CTDSP2: variants seen among roughly 807,000 people sequenced by gnomAD.
The protein encoded by CTDSP2 is CTD small phosphatase 2, also known as carboxy-terminal domain RNA polymerase II polypeptide A small phosphatase 2.
Under a neutral mutation model 31.6 loss-of-function variants are expected in CTDSP2, and 9 were observed. The observed-to-expected ratio is 0.28, with a 90% CI of 0.17 to 0.50. The LOEUF (loss-of-function observed/expected upper bound fraction) is 0.50. CTDSP2 is among the 20% of genes least tolerant of loss of function. The pLI is 0.98. For synonymous variants in CTDSP2, 134 were observed against 134.5 expected (o/e 1.00, Z 0.03); for missense variants, 267 against 348.5 (o/e 0.77, Z 1.86).
chr12:57,829,484 G>A lies in CTDSP2; in HGVS notation c.177C>T (p.Leu59=), dbSNP rs776246566. The A allele has an allele frequency of 7.4e-6, 12 of 1,614,152 alleles. No homozygotes were observed. Among genetic ancestry groups the A allele is most frequent in the Middle Eastern group, 1.7e-4 (1 of 6,058 alleles). ...TGTTTGCTTCCTCCTTATACGCAGC[G>A]AGCTCAGTGGAGGAACTTGACTGGC... ...HVGQSSSSTE[L]AAYKEEANTI... Residue 59 remains leucine, a synonymous_variant, in exon 2 of 8, where the codon CTC becomes CTT. Coordinates refer to ENST00000398073, the MANE Select transcript of CTDSP2 (RefSeq NM_005730.4).
At chr12:57,832,786 T>C (rs1420017626) in intron 1 of CTDSP2, among the ~76,000 whole-genome samples, 2 of 41,164 alleles carry the variant, frequency 4.9e-5, no homozygotes, top group East Asian at 2.9e-3. Context: ...AGCGAGACTC[T>C]GGCTAAAAAA....
intron 1 of CTDSP2, among the ~76,000 whole-genome samples, chr12:57,833,152 C>CT (rs1162676011): frequency 6.6e-6 from 1 of 152,236 alleles, no homozygotes; most frequent in Non-Finnish European, 1.5e-5. Context: ...GTGACAGACG[C>CT]TGTGAAGGCT....
chr12:57,841,638 C>T (rs932159222), intron 1 of CTDSP2, among the ~76,000 whole-genome samples: 1 of 152,202 alleles, frequency 6.6e-6, no homozygotes, highest in African/African-American at 2.4e-5. Context: ...TGCAGCAAGG[C>T]TGTTTGTAAG....
chr12:57,829,452 G>C lies in CTDSP2; in HGVS notation c.209C>G (p.Ala70Gly). Residue 70 changes from alanine (A) to glycine (G), a missense_variant, in exon 2 of 8, where the codon GCT (alanine) becomes GGT (glycine). Ala to Gly is a moderately conservative substitution (Grantham distance 60, BLOSUM62 0). Transcript: ENST00000398073. Reference protein sequence around the residue: ...AAYKEEANTIAKSDLLQCLQY... With the variant: ...AAYKEEANTIGKSDLLQCLQY... ...TTACCACCCCAACCCACCTACCTTA[G>C]CAATGGTGTTTGCTTCCTCCTTATA... 1 of 1,613,850 alleles carries C rather than the reference G, an allele frequency of 6.2e-7. No individual in the cohort carries two copies. The highest frequency in any genetic ancestry group is 8.5e-7 in the Non-Finnish European group (1 of 1,179,810).
At chr12:57,843,038 C>T (rs1451079113) in intron 1 of CTDSP2, among the ~76,000 whole-genome samples, 1 of 152,120 alleles carries the variant, frequency 6.6e-6, no homozygotes, top group African/African-American at 2.4e-5. Context: ...CTGTCCAGTT[C>T]GGCATGTGAG....
intron 3 of CTDSP2, 29 bp from the exon 4 acceptor site, chr12:57,827,126 G>A: frequency 6.5e-7 from 1 of 1,535,928 alleles, no homozygotes; most frequent in Non-Finnish European, 9.0e-7. Flanking sequence ...GCTGAGATCT[G>A]CCTACCAAGA....
intron 1 of CTDSP2, among the ~76,000 whole-genome samples, chr12:57,829,812 T>C (rs1956204345): frequency 6.6e-6 from 1 of 152,212 alleles, no homozygotes; most frequent in South Asian, 2.1e-4. Context: ...ACTCTCTGGC[T>C]TGGGAGACCT....
At position 57,827,588 on chromosome 12, in the gene CTDSP2, C is replaced by T. The variant is rs781396106; in HGVS notation, c.216G>A (p.Ser72=). 2.9e-5 allele frequency: 46 copies of T among 1,613,856 alleles called. No homozygotes were observed. The highest frequency in any genetic ancestry group is 8.9e-5 in the East Asian group (4 of 44,884). Reference sequence around the variant, plus strand: ...GGTACTGGAGACACTGGAGCAGATCCGACTGAGGAAGAGAAGGAGGTGGTC... The same window carrying T: ...GGTACTGGAGACACTGGAGCAGATCTGACTGAGGAAGAGAAGGAGGTGGTC... ...YKEEANTIAK[S]DLLQCLQYQF... is the part of the protein sequence containing the mutation. The change falls in exon 3 of 8, where the codon TCG becomes TCA. Residue 72 remains serine (S), a splice_region_variant and synonymous_variant. Transcript: ENST00000398073.
rs1191043229 is a variant in CTDSP2 at position 57,823,505 on chromosome 12, G to A, written c.*97C>T. The A allele has an allele frequency of 7.7e-6, 11 of 1,431,942 alleles. No homozygotes were observed. Among genetic ancestry groups the A allele is most frequent in the East Asian group, 2.4e-5 (1 of 41,728 alleles). 88.7% of individuals were successfully genotyped at this position (1,431,942 alleles called of 1,614,324 possible). ...CTTCCCGCTGTTTCCGGGCCGTGTG[G>A]TGAGGCACTCCAGCTTCTACTCTGT... On this transcript the variant is annotated 3_prime_UTR_variant, in exon 8 of 8. Coordinates refer to ENST00000398073, the MANE Select transcript of CTDSP2 (RefSeq NM_005730.4).
chr12:57,822,107 A>AG lies in CTDSP2; in HGVS notation c.*1494dup, dbSNP rs1243720563. 4 of 152,170 alleles carry AG rather than the reference A, an allele frequency of 2.6e-5. No individual in the cohort carries two copies. The highest frequency in any genetic ancestry group is 1.9e-4 in the East Asian group (1 of 5,132). 9.4% of individuals were successfully genotyped at this position (152,170 alleles called of 1,614,324 possible). On this transcript the variant is annotated 3_prime_UTR_variant, in exon 8 of 8. Transcript: ENST00000398073. ...AACAGGAGCGCCCTCCCACCCCAGG[A>AG]GGAGGGAGGGAGGGAGGAGAGAACC...
intron 1 of CTDSP2, among the ~76,000 whole-genome samples, chr12:57,841,488 C>T (rs543999585): frequency 1.3e-5 from 2 of 152,324 alleles, no homozygotes; most frequent in Non-Finnish European, 2.9e-5. Flanking sequence ...GAAGTTTAGA[C>T]TTTAGAGACT....
At chr12:57,842,148 T>C (rs1474166223) in intron 1 of CTDSP2, 1 of 152,104 alleles carries the variant, frequency 6.6e-6, no homozygotes, top group African/African-American at 2.4e-5. Flanking sequence ...GTAGGAGGAA[T>C]TGGAAGGGAA....
chr12:57,838,961 TCTAA>T (rs1215489430), intron 1 of CTDSP2, among the ~76,000 whole-genome samples: 2 of 152,208 alleles, frequency 1.3e-5, no homozygotes, highest in Non-Finnish European at 2.9e-5. Context: ...AGAGATTTCT[TCTAA>T]CTCATTTCAG....
intron 1 of CTDSP2, among the ~76,000 whole-genome samples, chr12:57,836,096 C>T (rs1956245862): frequency 6.6e-6 from 1 of 152,156 alleles, no homozygotes; most frequent in Non-Finnish European, 1.5e-5. Flanking sequence ...CAGGAGCCCT[C>T]CCACCATCAT....
chr12:57,839,006 G>A (rs1410498428), intron 1 of CTDSP2, among the ~76,000 whole-genome samples: 1 of 152,204 alleles, frequency 6.6e-6, no homozygotes, highest in Non-Finnish European at 1.5e-5. Flanking sequence ...CGGAAATGAT[G>A]TTTTCCGGGA....
In CTDSP2 at chr12:57,835,842, G is replaced by A. The variant is rs930530857; in HGVS notation, c.65-6246C>T. On this transcript the variant is annotated intron_variant, in intron 1 of 7. Transcript: ENST00000398073. ...GCCCCCACTGAGGATCATCAGGGCT[G>A]GGGTCCAGGCTCTGCCAGTTACTGA... Among the ~76,000 whole-genome samples the A allele has an allele frequency of 3.3e-5, 5 of 152,290 alleles. No homozygotes were observed. The East Asian group carries it at 9.7e-4, about 29-fold the overall frequency.
At position 57,824,263 on chromosome 12, in the gene CTDSP2, G is replaced by A. The variant is rs1956168527; in HGVS notation, c.468C>T (p.Leu156=). 1 of 1,614,094 alleles carries A rather than the reference G, an allele frequency of 6.2e-7. No homozygotes were observed. The highest frequency in any genetic ancestry group is 2.2e-5 in the East Asian group (1 of 44,884). The change falls in exon 6 of 8, where the codon CTC becomes CTT. Residue 156 remains leucine (L), a synonymous_variant. Transcript: ENST00000398073. The part of the protein sequence containing the change: ...VDEFLRRMGE[L]FECVLFTASL... ...TGGCAGTGAAGAGAACACATTCAAA[G>A]AGTTCCCCCATGCGTCTCAGGAACT... is the stretch of plus-strand genomic sequence containing the variant.
At chr12:57,839,723 C>CA (rs369168386) in intron 1 of CTDSP2, among the ~76,000 whole-genome samples, 1,813 of 147,784 alleles carry the variant, frequency 0.012, 14 homozygotes, top group Middle Eastern at 0.021. Context: ...GACTCCATCT[C>CA]AAAAAAAAAA....
rs1265395978 is a variant in CTDSP2, at chr12:57,821,752, G to A, written c.*1850C>T. The A allele has an allele frequency of 6.6e-6, 1 of 152,272 alleles. No homozygotes were observed. Among genetic ancestry groups the A allele is most frequent in the Non-Finnish European group, 1.5e-5 (1 of 68,082 alleles). The allele number at this position is 152,272 out of a possible 1,614,324, so 9.4% of individuals were successfully genotyped here. ...ACACCGGGACCCCATAGGCACCGGGGAGTGATGCTGGCGGAAATGGCCACA... is the reference window on the plus strand; with the variant it reads ...ACACCGGGACCCCATAGGCACCGGGAAGTGATGCTGGCGGAAATGGCCACA... On this transcript the variant is annotated 3_prime_UTR_variant, in exon 8 of 8. Transcript: ENST00000398073.
Sources: gnomAD v4.1 joint callset for allele counts (sites outside exome capture counted in the v4.1 genomes callset) on GRCh38, gnomAD v4.1.1 for gene constraint, MANE v1.5 for transcripts, NCBI Gene and HGNC (gene_info 2026-07-23, HGNC 2026-07-21) for gene names.